The following FAM120A variants were observed in gnomAD, a reference collection of about 807,000 sequenced individuals.
FAM120A encodes the protein family with sequence similarity 120 member A.
FAM120A carries 15 observed loss-of-function variants against 109.7 expected under a neutral mutation model. The observed-to-expected ratio is 0.14, with a 90% CI of 0.09 to 0.21. The LOEUF is 0.21. Ranked by LOEUF, FAM120A falls within the 10% of genes least tolerant of loss-of-function variation. FAM120A has a pLI of 1.00. For synonymous variants in FAM120A, 493 were observed against 572.8 expected (o/e 0.86, Z 1.99); for missense variants, 899 against 1,439.3 (o/e 0.62, Z 6.07).
intron 10 of FAM120A, among the ~76,000 whole-genome samples, chr9:93,535,683 G>A (rs1014214336): frequency 6.6e-6 from 1 of 152,192 alleles, no homozygotes; most frequent in Non-Finnish European, 1.5e-5. Flanking sequence ...TTACATTCAA[G>A]AGGGGGAAAC....
intron 3 of FAM120A, among the ~76,000 whole-genome samples, chr9:93,484,337 C>G (rs973090662): frequency 8.5e-5 from 13 of 152,220 alleles, no homozygotes; most frequent in African/African-American, 3.1e-4. Flanking sequence ...TTTAGTTTGG[C>G]TCCTCCCATG....
In FAM120A at chr9:93,478,691, G is replaced by A. The variant is rs115920529; in HGVS notation, c.804+2353G>A. Among the ~76,000 whole-genome samples the A allele has an allele frequency of 6.6e-3, 1,002 of 152,212 alleles. 14 individuals are homozygous for A. Among genetic ancestry groups the A allele is most frequent in the African/African-American group, 0.023 (967 of 41,536 alleles). On this transcript the variant is annotated intron_variant, in intron 3 of 17. Transcript: ENST00000277165. ...GGGTTTCACCATGTTGTCCATATTC[G>A]TCTCGAACACCTGACCTCAGGTGAT...
chr9:93,548,390 T>C (rs1490963187), intron 11 of FAM120A, among the ~76,000 whole-genome samples: 1 of 151,960 alleles, frequency 6.6e-6, no homozygotes, highest in Non-Finnish European at 1.5e-5. Context: ...GATTACAACA[T>C]TTTAAAAGGA....
chr9:93,518,200 T>A (rs976200233), intron 7 of FAM120A, among the ~76,000 whole-genome samples: 4 of 152,118 alleles, frequency 2.6e-5, no homozygotes, highest in African/African-American at 9.7e-5. Flanking sequence ...TCCTGAAGGC[T>A]TTGGGGTCAG....
intron 10 of FAM120A, among the ~76,000 whole-genome samples, chr9:93,534,750 AC>A (rs149604293): frequency 6.6e-6 from 1 of 152,246 alleles, no homozygotes; most frequent in African/African-American, 2.4e-5. Context: ...AAAAAATTAG[AC>A]AGTCCTGATA....
Position 93,529,361 on chromosome 9 carries a change from C to A in FAM120A, c.1515C>A (p.Gly505=), listed in dbSNP as rs533243819. The change falls in exon 9 of 18, where the codon GGC becomes GGA. Residue 505 remains glycine (G), a synonymous_variant. Coordinates refer to ENST00000277165, the MANE Select transcript of FAM120A (RefSeq NM_014612.5). ...GDPGDQTKAE[G]SSTASSGSQL... is the part of the protein sequence containing the mutation. ...TGCTCTCTGCACTGTAGGCAGAAGG[C>A]TCGTCCACTGCCTCTTCAGGAAGCC... 2 of 1,603,608 alleles carry A rather than the reference C, an allele frequency of 1.2e-6. No homozygotes were observed. Among genetic ancestry groups the A allele is most frequent in the South Asian group, 2.2e-5 (2 of 89,146 alleles).
chr9:93,561,326 T>C (rs1335417550), intron 16 of FAM120A, 76 bp downstream of exon 16: 1 of 1,387,164 alleles, frequency 7.2e-7, no homozygotes. Flanking sequence ...TTTGGAAGTT[T>C]AAGTAGGAAC....
chr9:93,470,701 A>G (rs570341690), intron 1 of FAM120A, among the ~76,000 whole-genome samples: 1 of 152,298 alleles, frequency 6.6e-6, no homozygotes, highest in East Asian at 1.9e-4. Context: ...TTCACCTGAC[A>G]CATTTGATCT....
At chr9:93,482,868 G>A (rs959100196) in intron 3 of FAM120A, among the ~76,000 whole-genome samples, 1 of 152,272 alleles carries the variant, frequency 6.6e-6, no homozygotes, top group Non-Finnish European at 1.5e-5. Context: ...CCTAGTGACC[G>A]CTGTGCATGG....
At chr9:93,517,733 T>C (rs1166576038) in intron 7 of FAM120A, among the ~76,000 whole-genome samples, 2 of 152,168 alleles carry the variant, frequency 1.3e-5, no homozygotes, top group African/African-American at 2.4e-5. Context: ...AGGTGCTGAC[T>C]TGGGGACGTG....
At chr9:93,505,428 T>C (rs1564332344) in intron 5 of FAM120A, among the ~76,000 whole-genome samples, 1 of 152,222 alleles carries the variant, frequency 6.6e-6, no homozygotes, top group African/African-American at 2.4e-5. Flanking sequence ...ATATATATAT[T>C]GGATGCTAGT....
chr9:93,538,848 G>A (rs1364163612), intron 10 of FAM120A, among the ~76,000 whole-genome samples: 1 of 151,300 alleles, frequency 6.6e-6, no homozygotes. Context: ...ACTAAAAGAA[G>A]ATGACTAACA....
At chr9:93,553,044 T>C (rs977861669) in intron 12 of FAM120A, among the ~76,000 whole-genome samples, 7 of 152,254 alleles carry the variant, frequency 4.6e-5, no homozygotes, top group African/African-American at 1.7e-4. Context: ...GAATTTCATC[T>C]CATCCATGCT....
intron 3 of FAM120A, among the ~76,000 whole-genome samples, chr9:93,483,308 CTTAT>C (rs958144532): frequency 6.6e-6 from 1 of 151,354 alleles, no homozygotes; most frequent in Non-Finnish European, 1.5e-5. Flanking sequence ...AATCTAAGTA[CTTAT>C]TTAGCTTTAG....
Position 93,564,740 on chromosome 9 carries a change from C to A in FAM120A, c.*200C>A. ...TTAACCAGTTGTAGTCAAAATGCTA[C>A]AATAAAACAAAAAAGAGAAAGAAAA... On this transcript the variant is annotated 3_prime_UTR_variant, in exon 18 of 18. Coordinates refer to ENST00000277165, the MANE Select transcript of FAM120A (RefSeq NM_014612.5). 1 of 465,752 alleles carries A rather than the reference C, an allele frequency of 2.1e-6. No homozygotes were observed. The highest frequency in any genetic ancestry group is 3.7e-6 in the Non-Finnish European group (1 of 267,052). The allele number at this position is 465,752 out of a possible 1,614,324, so 28.9% of individuals were successfully genotyped here. A position where few individuals can be genotyped will look rare whatever the true frequency, so the allele number is the denominator to read the frequency against.
intron 15 of FAM120A, among the ~76,000 whole-genome samples, chr9:93,560,293 T>TA (rs879732924): frequency 2.9e-3 from 428 of 146,212 alleles, no homozygotes; most frequent in African/African-American, 9.9e-3. Context: ...GACCCTGTCT[T>TA]AAAAAAAAAA....
Position 93,564,351 on chromosome 9 carries a change from C to T in FAM120A, c.3168C>T (p.Ala1056=), listed in dbSNP as rs749633434. The part of the protein sequence containing the change: ...DGSLAENGVM[A]EEKPAPQMNG... ...CCCTGGCTGAAAACGGAGTGATGGC[C>T]GAGGAGAAGCCGGCTCCCCAGATGA... Residue 1056 remains alanine, a synonymous_variant, in exon 18 of 18, where the codon GCC becomes GCT. Transcript: ENST00000277165. The T allele has an allele frequency of 6.8e-6, 11 of 1,614,072 alleles. No homozygotes were observed. Among genetic ancestry groups the T allele is most frequent in the Admixed American group, 5.0e-5 (3 of 60,022 alleles).
At chr9:93,454,702 G>T (rs1283304449) in intron 1 of FAM120A, among the ~76,000 whole-genome samples, 2 of 152,068 alleles carry the variant, frequency 1.3e-5, no homozygotes, top group African/African-American at 4.8e-5. Flanking sequence ...GGTCCCTGAG[G>T]GTAGTACAAT....
At chr9:93,472,016 T>G (rs534272126) in intron 2 of FAM120A, among the ~76,000 whole-genome samples, 41 of 152,300 alleles carry the variant, frequency 2.7e-4, no homozygotes, top group African/African-American at 8.9e-4. Context: ...TCCCAGCACT[T>G]TGGGAGGCCA....
Sources: gnomAD v4.1 joint callset for allele counts (sites outside exome capture counted in the v4.1 genomes callset) on GRCh38, gnomAD v4.1.1 for gene constraint, MANE v1.5 for transcripts, NCBI Gene and HGNC (gene_info 2026-07-23, HGNC 2026-07-21) for gene names.